FMN2: variants seen among roughly 807,000 people sequenced by gnomAD.
FMN2 encodes formin 2.
In FMN2, 51 loss-of-function variants were observed where a neutral mutation model predicts 142.3. The observed-to-expected ratio is 0.36, with a 90% confidence interval of 0.29 to 0.45. The LOEUF is 0.45. Ranked by LOEUF, FMN2 falls within the 20% of genes least tolerant of loss-of-function variation. The pLI is 1.00. For missense variants in FMN2, 1,936 were observed against 2,122.8 expected (o/e 0.91, Z 1.73); for synonymous variants, 882 against 869.8 (o/e 1.01, Z -0.25).
chr1:240,461,789 A>G (rs928193244), intron 16 of FMN2, among the ~76,000 whole-genome samples: 1 of 152,082 alleles, frequency 6.6e-6, no homozygotes, highest in Non-Finnish European at 1.5e-5. Flanking sequence ...GCTCATCTCT[A>G]AAATAGGATG....
At chr1:240,117,013 G>A (rs1275877257) in intron 1 of FMN2, among the ~76,000 whole-genome samples, 2 of 152,052 alleles carry the variant, frequency 1.3e-5, no homozygotes, top group Non-Finnish European at 2.9e-5. Flanking sequence ...GTGATACTGG[G>A]AATGTCCAGC....
At chr1:240,373,162 C>T (rs572437460) in intron 14 of FMN2, among the ~76,000 whole-genome samples, 3 of 152,244 alleles carry the variant, frequency 2.0e-5, no homozygotes, top group Admixed American at 6.5e-5. Context: ...CCAGCCTGGG[C>T]GACAGAGCAA....
chr1:240,311,263 A>AT (rs1670595446), intron 8 of FMN2, among the ~76,000 whole-genome samples: 1 of 152,210 alleles, frequency 6.6e-6, no homozygotes, highest in Admixed American at 6.5e-5. Context: ...CACATGATAC[A>AT]GCATCCTCAA....
intron 15 of FMN2, among the ~76,000 whole-genome samples, chr1:240,408,951 C>T (rs1674303357): frequency 2.0e-5 from 3 of 152,242 alleles, no homozygotes; most frequent in East Asian, 1.9e-4. Flanking sequence ...TTTCAAAACT[C>T]GTGCAGCTTA....
chr1:240,200,932 G>A (rs985534375), intron 4 of FMN2, among the ~76,000 whole-genome samples: 2 of 152,064 alleles, frequency 1.3e-5, no homozygotes, highest in African/African-American at 4.8e-5. Flanking sequence ...GGCACCACAA[G>A]GCTAGCATTG....
At chr1:240,251,907 T>G (rs1668289322) in intron 6 of FMN2, among the ~76,000 whole-genome samples, 1 of 152,186 alleles carries the variant, frequency 6.6e-6, no homozygotes, top group Non-Finnish European at 1.5e-5. Flanking sequence ...TATTTTATTT[T>G]GTTTTATTTA....
intron 6 of FMN2, among the ~76,000 whole-genome samples, chr1:240,250,199 C>T (rs541357333): frequency 6.6e-6 from 1 of 152,104 alleles, no homozygotes; most frequent in South Asian, 2.1e-4. Context: ...TCATCTTTTC[C>T]CCATTCAGTA....
chr1:240,442,796 T>C (rs1299587339), intron 16 of FMN2, among the ~76,000 whole-genome samples: 1 of 152,236 alleles, frequency 6.6e-6, no homozygotes, highest in Non-Finnish European at 1.5e-5. Flanking sequence ...AGTGAATTTC[T>C]ACACATCCGT....
chr1:240,369,226 A>G (rs1048351886), intron 14 of FMN2, among the ~76,000 whole-genome samples: 2 of 152,128 alleles, frequency 1.3e-5, no homozygotes, highest in Non-Finnish European at 2.9e-5. Flanking sequence ...TTCACATATA[A>G]GTGAGATCAA....
chr1:240,354,640 C>T (rs918690896), intron 13 of FMN2, among the ~76,000 whole-genome samples: 5 of 152,170 alleles, frequency 3.3e-5, no homozygotes, highest in Non-Finnish European at 5.9e-5. Context: ...AGCCCAAAGT[C>T]ATCCACATTT....
In FMN2 at chr1:240,092,458, A is replaced by G. The variant is rs751490605; in HGVS notation, c.349A>G (p.Lys117Glu). Residue 117 changes from lysine (K) to glutamate (E), a missense_variant, in exon 1 of 18, where the codon AAG (lysine) becomes GAG (glutamate). This residue lies in a region of FMN2 where 751 missense variants were observed against 791.8 expected (regional missense o/e 0.95). Transcript: ENST00000319653. ...ELDSAHSLLT[K>E]TPDLSLSADE... ...GGACAGCGCTCACTCCCTGCTCACC[A>G]AGACTCCAGACCTCAGCCTCTCGGC... 2.5e-6 allele frequency: 4 copies of G among 1,609,786 alleles called. No individual in the cohort carries two copies. The highest frequency in any genetic ancestry group is 1.7e-4 in the Middle Eastern group (1 of 6,054).
At chr1:240,171,015 T>G in intron 2 of FMN2, 1 of 876,346 alleles carries the variant, frequency 1.1e-6, no homozygotes. Flanking sequence ...TTGAGGCATG[T>G]CAGCAGGGCT....
intron 8 of FMN2, among the ~76,000 whole-genome samples, chr1:240,326,106 T>A (rs1436882683): frequency 6.6e-6 from 1 of 152,200 alleles, no homozygotes; most frequent in African/African-American, 2.4e-5. Context: ...CGTGTGTGTG[T>A]ACACATGTAT....
intron 16 of FMN2, among the ~76,000 whole-genome samples, chr1:240,455,121 A>G (rs573603116): frequency 7.2e-5 from 11 of 152,290 alleles, no homozygotes; most frequent in Admixed American, 2.0e-4. Flanking sequence ...TTCAAATGAG[A>G]ACCAGGGACT....
chr1:240,353,877 G>T (rs991247355), intron 13 of FMN2, among the ~76,000 whole-genome samples: 4 of 152,102 alleles, frequency 2.6e-5, no homozygotes, highest in African/African-American at 7.2e-5. Context: ...GAGACAAGTG[G>T]CAGGGAATGG....
rs371047968 is a variant in FMN2, at chr1:240,438,223, A to G, written c.5060+13A>G. The G allele has an allele frequency of 1.9e-6, 3 of 1,607,954 alleles. No individual in the cohort carries two copies. The highest frequency in any genetic ancestry group is 3.4e-5 in the Admixed American group (2 of 58,612). ...TTCTACAAGAGAGGTAGGTATTTTC[A>G]TTTGCACAATGGCATTTTAAAACTG... On this transcript the variant is annotated intron_variant, in intron 16 of 17. Transcript: ENST00000319653.
chr1:240,288,930 C>A (rs1487221174), intron 7 of FMN2, among the ~76,000 whole-genome samples: 1 of 152,090 alleles, frequency 6.6e-6, no homozygotes. Context: ...GAGACCGTAG[C>A]CCCCGCCAAC....
chr1:240,091,972 G>A lies in FMN2; in HGVS notation c.-138G>A, dbSNP rs750749236. On this transcript the variant is annotated 5_prime_UTR_variant, in exon 1 of 18. Transcript: ENST00000319653. ...TGCGAGCGGGGCCAGCCGGGCGCGCGTCGGCCTCCCCTCCCAGCGGCTCCC... is the reference window on the plus strand; with the variant it reads ...TGCGAGCGGGGCCAGCCGGGCGCGCATCGGCCTCCCCTCCCAGCGGCTCCC... 53 of 1,345,030 alleles carry A rather than the reference G, an allele frequency of 3.9e-5. No individual in the cohort carries two copies. Among genetic ancestry groups the A allele is most frequent in the Non-Finnish European group, 2.3e-5 (24 of 1,046,538 alleles). 83.3% of individuals were successfully genotyped at this position (1,345,030 alleles called of 1,614,324 possible). A position where few individuals can be genotyped will look rare whatever the true frequency, so the allele number is the denominator to read the frequency against.
chr1:240,123,519 A>AAAAG (rs367749361), intron 2 of FMN2, among the ~76,000 whole-genome samples, 174 bp downstream of exon 2: 200 of 150,916 alleles, frequency 1.3e-3, no homozygotes, highest in Admixed American at 2.5e-3. Flanking sequence ...AAAAAAAAAA[A>AAAAG]AAAGAAAGAA....
Sources: gnomAD v4.1 joint callset for allele counts (sites outside exome capture counted in the v4.1 genomes callset) on GRCh38, gnomAD v4.1.1 for gene constraint, gnomAD v4.1.1 regional missense constraint, MANE v1.5 for transcripts, NCBI Gene and HGNC (gene_info 2026-07-23, HGNC 2026-07-21) for gene names.